Variants in CSMD1 observed in about 807,000 individuals in gnomAD.
The protein encoded by CSMD1 is CUB and sushi domain-containing protein 1.
In CSMD1, 213 loss-of-function variants were observed where a neutral mutation model predicts 417.5. The observed-to-expected ratio is 0.51, with a 90% CI of 0.46 to 0.57. CSMD1 has a LOEUF of 0.57. Among genes scored for constraint, CSMD1 ranks in the 20% least tolerant of loss-of-function variants. The pLI is 0.00. For missense variants in CSMD1, 6,923 were observed against 4,529.7 expected, an observed-to-expected ratio of 1.53 and a Z score of -15.17; for synonymous variants, 2,862 against 1,736.8, an observed-to-expected ratio of 1.65 and a Z score of -16.11.
chr8:3,142,799 C>G (rs1337251488), intron 40 of CSMD1, 125 bp from the exon 41 acceptor site: 4 of 835,052 alleles, frequency 4.8e-6, no homozygotes, highest in Non-Finnish European at 5.8e-6. Flanking sequence ...CAGAACCATG[C>G]CGTGGAGGAC....
At chr8:4,807,139 C>T (rs1035476001) in intron 1 of CSMD1, among the ~76,000 whole-genome samples, 1 of 152,156 alleles carries the variant, frequency 6.6e-6, no homozygotes, top group African/African-American at 2.4e-5. Context: ...CAGAAGACTA[C>T]TCGAGTAATT....
intron 3 of CSMD1, among the ~76,000 whole-genome samples, chr8:4,284,255 C>G (rs1796939773): frequency 1.3e-5 from 2 of 152,220 alleles, no homozygotes; most frequent in African/African-American, 2.4e-5. Flanking sequence ...GTAATGTTAG[C>G]TGCTCGCGAG....
chr8:3,196,842 C>A (rs1314346126), intron 33 of CSMD1, among the ~76,000 whole-genome samples: 1 of 152,100 alleles, frequency 6.6e-6, no homozygotes, highest in Non-Finnish European at 1.5e-5. Context: ...AATGACCATG[C>A]CCGTTCATTC....
intron 10 of CSMD1, among the ~76,000 whole-genome samples, chr8:3,503,781 TA>T (rs1220305201): frequency 6.6e-6 from 1 of 151,960 alleles, no homozygotes; most frequent in Non-Finnish European, 1.5e-5. Flanking sequence ...CAAAATGGCC[TA>T]AAAAGCAGCC....
chr8:4,490,044 T>C (rs1352714403), intron 2 of CSMD1, among the ~76,000 whole-genome samples: 1 of 151,022 alleles, frequency 6.6e-6, no homozygotes, highest in Non-Finnish European at 1.5e-5. Context: ...TACCAATTTT[T>C]TTTTTTTTTT....
In CSMD1 at chr8:4,185,370, G is replaced by C. The variant is rs574319235; in HGVS notation, c.416-153271C>G. Among the ~76,000 whole-genome samples the C allele has an allele frequency of 3.9e-5, 6 of 152,046 alleles. No individual in the cohort carries two copies. The East Asian group carries it at 5.8e-4, about 15-fold the overall frequency. On this transcript the variant is annotated intron_variant, in intron 3 of 69. Transcript: ENST00000635120. Reference sequence around the variant, plus strand: ...CAGGTTTACTATGAAGATTAAATTGGACAGGGCTTTTAAAGTACCCAGAAT... The same window carrying C: ...CAGGTTTACTATGAAGATTAAATTGCACAGGGCTTTTAAAGTACCCAGAAT...
chr8:4,185,812 G>C (rs971645559), intron 3 of CSMD1, among the ~76,000 whole-genome samples: 8 of 152,204 alleles, frequency 5.3e-5, no homozygotes, highest in African/African-American at 1.9e-4. Flanking sequence ...CCCAGTGCCA[G>C]AGTCAGAAAG....
intron 3 of CSMD1, among the ~76,000 whole-genome samples, chr8:4,256,766 T>G (rs555468619): frequency 6.6e-6 from 1 of 152,206 alleles, no homozygotes; most frequent in East Asian, 1.9e-4. Context: ...AGTGCCCTGC[T>G]CTCAAGCAGC....
At chr8:4,330,667 A>C (rs1204836788) in intron 3 of CSMD1, among the ~76,000 whole-genome samples, 1 of 151,738 alleles carries the variant, frequency 6.6e-6, no homozygotes, top group African/African-American at 2.4e-5. Flanking sequence ...TTATGCCTTT[A>C]AGTTTTACAC....
intron 2 of CSMD1, among the ~76,000 whole-genome samples, chr8:4,600,620 T>C (rs1800530129): frequency 6.6e-6 from 1 of 152,202 alleles, no homozygotes; most frequent in South Asian, 2.1e-4. Flanking sequence ...ACCTTATTTG[T>C]GAAATTAAAT....
chr8:3,436,361 G>A (rs2117040830), intron 12 of CSMD1, among the ~76,000 whole-genome samples: 2 of 152,230 alleles, frequency 1.3e-5, no homozygotes, highest in South Asian at 4.2e-4. Context: ...TACTATTATT[G>A]TTATTATTTT....
chr8:3,834,628 T>G (rs947636066), intron 5 of CSMD1, among the ~76,000 whole-genome samples: 1 of 152,166 alleles, frequency 6.6e-6, no homozygotes, highest in Non-Finnish European at 1.5e-5. Context: ...AGAGAGTTCT[T>G]TGAGTCTTTT....
chr8:3,142,598 G>A lies in CSMD1; in HGVS notation c.6108C>T (p.His2036=). The stretch of plus-strand genomic sequence containing the variant: ...TAAATTGTCCAATCATGGGGCTGGT[G>A]TGGTAAGGTCCATTTTGAATTTCAA... ...DFLEIQNGPY[H]TSPMIGQFSG... is the part of the protein sequence containing the mutation. The change falls in exon 41 of 70, where the codon CAC becomes CAT. Residue 2036 remains histidine (H), a synonymous_variant. Coordinates refer to ENST00000635120, the MANE Select transcript of CSMD1 (RefSeq NM_033225.6). 6.2e-7 allele frequency: 1 copy of A among 1,613,988 alleles called. No individual in the cohort carries two copies. Among genetic ancestry groups the A allele is most frequent in the Non-Finnish European group, 8.5e-7 (1 of 1,179,850 alleles).
At chr8:3,236,110 G>A (rs1823281155) in intron 26 of CSMD1, among the ~76,000 whole-genome samples, 1 of 151,822 alleles carries the variant, frequency 6.6e-6, no homozygotes, top group Non-Finnish European at 1.5e-5. Flanking sequence ...AGTAGAGACA[G>A]GGTTTCACCA....
intron 1 of CSMD1, among the ~76,000 whole-genome samples, chr8:4,808,251 C>G (rs1192863387): frequency 6.6e-6 from 1 of 152,132 alleles, no homozygotes; most frequent in African/African-American, 2.4e-5. Context: ...GAACGATGAT[C>G]AGAGCATTTA....
intron 3 of CSMD1, among the ~76,000 whole-genome samples, chr8:4,051,117 A>AAAAAG (rs150625475): frequency 4.7e-4 from 72 of 152,072 alleles, no homozygotes; most frequent in East Asian, 2.3e-3. Context: ...GAGAACCAGG[A>AAAAAG]AAAAGAAAAG....
chr8:4,660,561 CTAAAA>C (rs1804531689), intron 1 of CSMD1, among the ~76,000 whole-genome samples: 1 of 151,750 alleles, frequency 6.6e-6, no homozygotes, highest in Non-Finnish European at 1.5e-5. Flanking sequence ...ACTGGAATAC[CTAAAA>C]TAATTTTAAA....
intron 46 of CSMD1, among the ~76,000 whole-genome samples, chr8:3,102,176 T>G (rs1184120418): frequency 1.3e-5 from 2 of 152,180 alleles, no homozygotes; most frequent in Non-Finnish European, 2.9e-5. Context: ...TATTGGGAGA[T>G]GGGCCCCCAC....
chr8:3,727,690 C>A (rs1255755013), intron 6 of CSMD1, among the ~76,000 whole-genome samples: 1 of 152,046 alleles, frequency 6.6e-6, no homozygotes, highest in East Asian at 1.9e-4. Flanking sequence ...GCATTATTTA[C>A]AATAACCAAG....
Sources: gnomAD v4.1 joint callset for allele counts (sites outside exome capture counted in the v4.1 genomes callset) on GRCh38, gnomAD v4.1.1 for gene constraint, MANE v1.5 for transcripts, NCBI Gene and HGNC (gene_info 2026-07-23, HGNC 2026-07-21) for gene names.